The following COX7B2 variants were observed in gnomAD, a reference collection of about 807,000 sequenced individuals.
COX7B2 encodes the protein cytochrome c oxidase subunit 7B2, mitochondrial.
For synonymous variants in COX7B2, 37 were observed against 32.1 expected, an observed-to-expected ratio of 1.15 and a Z score of -0.51; for missense variants, 109 against 95.9, an observed-to-expected ratio of 1.14 and a Z score of -0.57.
chr4:46,836,544 G>C (rs188751829), intron 2 of COX7B2, among the ~76,000 whole-genome samples: 236 of 151,338 alleles, frequency 1.6e-3, no homozygotes, highest in African/African-American at 5.4e-3. Flanking sequence ...CTTTCTTCTG[G>C]AATATCCTAT....
At chr4:46,846,388 A>G (rs952760695) in intron 1 of COX7B2, among the ~76,000 whole-genome samples, 3 of 152,072 alleles carry the variant, frequency 2.0e-5, no homozygotes, top group African/African-American at 4.8e-5. Flanking sequence ...AGTACAGGAA[A>G]AAAAGGAGAA....
chr4:46,853,550 C>G (rs1230497434), intron 1 of COX7B2, among the ~76,000 whole-genome samples: 1 of 151,858 alleles, frequency 6.6e-6, no homozygotes, highest in Non-Finnish European at 1.5e-5. Context: ...TTTACTTTAA[C>G]CATACAGTAT....
At chr4:46,798,912 T>C (rs1415325486) in intron 2 of COX7B2, among the ~76,000 whole-genome samples, 1 of 152,154 alleles carries the variant, frequency 6.6e-6, no homozygotes, top group African/African-American at 2.4e-5. Context: ...CGGAGGAAAT[T>C]ACATCGTCAG....
At chr4:46,864,810 A>G (rs1320613751) in intron 1 of COX7B2, among the ~76,000 whole-genome samples, 2 of 151,864 alleles carry the variant, frequency 1.3e-5, no homozygotes, top group East Asian at 1.9e-4. Context: ...ACGCCCGGCT[A>G]ATTTTTTGTA....
chr4:46,890,492 C>T (rs908487808), intron 1 of COX7B2, among the ~76,000 whole-genome samples: 9 of 152,150 alleles, frequency 5.9e-5, no homozygotes, highest in African/African-American at 1.9e-4. Context: ...ACAAATGAAA[C>T]ATTTAGACAA....
chr4:46,818,767 A>G (rs1410633032), intron 2 of COX7B2, among the ~76,000 whole-genome samples: 1 of 152,250 alleles, frequency 6.6e-6, no homozygotes, highest in Non-Finnish European at 1.5e-5. Flanking sequence ...TGGCACACAC[A>G]TGAGTAATCA....
chr4:46,902,899 A>G lies in COX7B2; in HGVS notation c.-105+6261T>C, dbSNP rs182228983. On this transcript the variant is annotated intron_variant, in intron 1 of 2. Coordinates refer to ENST00000355591, the MANE Select transcript of COX7B2 (RefSeq NM_130902.3). Reference sequence around the variant, plus strand: ...CTCAAAATAATAAATAAATAAAAATAAAAATAAAAAATTTGTAGTCATTCT... The same window carrying G: ...CTCAAAATAATAAATAAATAAAAATGAAAATAAAAAATTTGTAGTCATTCT... 3.2e-4 allele frequency among the ~76,000 whole-genome samples: 48 copies of G among 152,200 alleles called. 1 individual carries two copies. In the East Asian group the frequency reaches 8.5e-3, roughly 27 times the overall value.
At chr4:46,743,563 A>G (rs1714838248) in intron 2 of COX7B2, among the ~76,000 whole-genome samples, 2 of 152,226 alleles carry the variant, frequency 1.3e-5, no homozygotes, top group Non-Finnish European at 2.9e-5. Context: ...TGCCTATTTC[A>G]CTAGTTCTCT....
chr4:46,885,727 A>G (rs1279259495), intron 1 of COX7B2, among the ~76,000 whole-genome samples: 1 of 152,142 alleles, frequency 6.6e-6, no homozygotes, highest in Non-Finnish European at 1.5e-5. Flanking sequence ...TCATTTATCT[A>G]AGCATTTAAT....
At chr4:46,895,768 G>T (rs979965233) in intron 1 of COX7B2, among the ~76,000 whole-genome samples, 1 of 150,964 alleles carries the variant, frequency 6.6e-6, no homozygotes, top group African/African-American at 2.4e-5. Flanking sequence ...TATTTTTAAG[G>T]CCCCCCCCAA....
chr4:46,875,587 G>A (rs561381166), intron 1 of COX7B2, among the ~76,000 whole-genome samples: 5 of 152,020 alleles, frequency 3.3e-5, no homozygotes, highest in Admixed American at 2.0e-4. Context: ...AGTTCATACC[G>A]TGGTTCTAGT....
At chr4:46,737,129 C>G (rs970403139) in intron 2 of COX7B2, among the ~76,000 whole-genome samples, 1 of 152,090 alleles carries the variant, frequency 6.6e-6, no homozygotes, top group Non-Finnish European at 1.5e-5. Flanking sequence ...TGTTAGTGTT[C>G]TGGATTTGGG....
At chr4:46,862,233 T>G (rs1245754501) in intron 1 of COX7B2, among the ~76,000 whole-genome samples, 4 of 152,246 alleles carry the variant, frequency 2.6e-5, no homozygotes, top group Non-Finnish European at 5.9e-5. Flanking sequence ...TTTACCCAAG[T>G]TCTATTCTAT....
Position 46,754,722 on chromosome 4 carries a change from G to GTATATATATATATATATATATA in COX7B2, c.-49-19482_-49-19481insTATATATATATATATATATATA, listed in dbSNP as rs1396491793. Among the ~76,000 whole-genome samples the GTATATATATATATATATATATA allele has an allele frequency of 5.9e-4, 20 of 34,106 alleles. No homozygotes were observed. The East Asian group carries it at 0.012, about 20-fold the overall frequency. 22.4% of individuals were successfully genotyped at this position (34,106 alleles called of 152,430 possible). A position where few individuals can be genotyped will look rare whatever the true frequency, so the allele number is the denominator to read the frequency against. ...CGTGTGTGTGTGTGTGTGTGTGTGT[G>GTATATATATATATATATATATA]TGTGTGTATATATATATATATATAT... is the stretch of plus-strand genomic sequence containing the variant. On this transcript the variant is annotated intron_variant, in intron 2 of 2. Transcript: ENST00000355591.
At chr4:46,780,430 T>C (rs891064866) in intron 2 of COX7B2, among the ~76,000 whole-genome samples, 9 of 152,216 alleles carry the variant, frequency 5.9e-5, no homozygotes, top group East Asian at 3.9e-4. Context: ...GGCAGGAGAA[T>C]GGCATGAACC....
intron 1 of COX7B2, among the ~76,000 whole-genome samples, chr4:46,874,244 C>T (rs1028944505): frequency 7.2e-5 from 11 of 152,100 alleles, no homozygotes; most frequent in East Asian, 1.9e-4. Flanking sequence ...TATTTAAGTA[C>T]GAGCAACATG....
intron 2 of COX7B2, among the ~76,000 whole-genome samples, chr4:46,826,558 C>T (rs968736858): frequency 2.6e-5 from 4 of 151,972 alleles, no homozygotes; most frequent in Non-Finnish European, 2.9e-5. Flanking sequence ...AACACATGCA[C>T]GCGAATGTTC....
intron 2 of COX7B2, among the ~76,000 whole-genome samples, chr4:46,815,710 C>T (rs1041433510): frequency 1.3e-5 from 2 of 151,808 alleles, no homozygotes; most frequent in African/African-American, 4.8e-5. Flanking sequence ...ATATGTAATC[C>T]TTTTATTTTC....
At chr4:46,861,906 C>G (rs925661902) in intron 1 of COX7B2, among the ~76,000 whole-genome samples, 6 of 152,152 alleles carry the variant, frequency 3.9e-5, no homozygotes, top group African/African-American at 1.4e-4. Context: ...AGGGTTCCAC[C>G]CCAAGGTCAT....
Sources: gnomAD v4.1 joint callset for allele counts (sites outside exome capture counted in the v4.1 genomes callset) on GRCh38, gnomAD v4.1.1 for gene constraint, MANE v1.5 for transcripts, NCBI Gene and HGNC (gene_info 2026-07-23, HGNC 2026-07-21) for gene names.